TMTC1: variants seen among roughly 807,000 people sequenced by gnomAD.
The protein encoded by TMTC1 is protein O-mannosyl-transferase TMTC1.
TMTC1 carries 73 observed loss-of-function variants against 104.8 expected under a neutral mutation model. The observed-to-expected ratio is 0.70, with a 90% CI of 0.58 to 0.85. The LOEUF (loss-of-function observed/expected upper bound fraction) is 0.85, where lower values mean the gene tolerates loss of function less well. Among genes scored for constraint, TMTC1 ranks in the 40% least tolerant of loss-of-function variants. The pLI, the probability that TMTC1 is intolerant of heterozygous loss-of-function variation, is 0.00. For missense variants in TMTC1, 1,035 were observed against 1,096.1 expected, an observed-to-expected ratio of 0.94 and a Z score of 0.79; for synonymous variants, 434 against 428.7, an observed-to-expected ratio of 1.01 and a Z score of -0.15.
chr12:29,751,989 A>C, intron 4 of TMTC1, 117 bp from the exon 5 acceptor site: 79 of 908,390 alleles, frequency 8.7e-5, no homozygotes, highest in Non-Finnish European at 1.1e-4. Flanking sequence ...AACCATTCTC[A>C]AGTCTTTAGC....
intron 5 of TMTC1, among the ~76,000 whole-genome samples, chr12:29,697,709 G>A (rs1941465619): frequency 6.6e-6 from 1 of 152,132 alleles, no homozygotes; most frequent in Admixed American, 6.5e-5. Flanking sequence ...AAGGCAGGAA[G>A]AGCTGATTTT....
At chr12:29,702,745 C>A (rs1322107416) in intron 5 of TMTC1, among the ~76,000 whole-genome samples, 1 of 152,158 alleles carries the variant, frequency 6.6e-6, no homozygotes, top group East Asian at 1.9e-4. Flanking sequence ...ACACTCATTT[C>A]AGAGTTGTTT....
chr12:29,642,162 A>G (rs1256280247), intron 5 of TMTC1, among the ~76,000 whole-genome samples: 3 of 152,250 alleles, frequency 2.0e-5, no homozygotes, highest in Non-Finnish European at 4.4e-5. Context: ...CTTGGAAAAC[A>G]TATTTGGGGG....
intron 5 of TMTC1, among the ~76,000 whole-genome samples, chr12:29,635,331 T>C (rs1212562340): frequency 6.6e-6 from 1 of 152,192 alleles, no homozygotes; most frequent in Non-Finnish European, 1.5e-5. Context: ...CCATCTACCT[T>C]TCAGCCCACT....
chr12:29,548,919 ATAT>A (rs1945020270), intron 10 of TMTC1, among the ~76,000 whole-genome samples: 1 of 144,028 alleles, frequency 6.9e-6, no homozygotes, highest in African/African-American at 2.5e-5. Flanking sequence ...ATTTATTTAC[ATAT>A]TATATAATAT....
intron 17 of TMTC1, among the ~76,000 whole-genome samples, chr12:29,507,850 T>TC (rs1202482046): frequency 6.6e-6 from 1 of 152,168 alleles, no homozygotes; most frequent in Non-Finnish European, 1.5e-5. Flanking sequence ...TTGTTGGAGT[T>TC]CCCCCATTAG....
rs549959751 is a variant in TMTC1, at chr12:29,502,424, T to G, written c.*4422A>C. On this transcript the variant is annotated 3_prime_UTR_variant, in exon 18 of 18. Coordinates refer to ENST00000539277, the MANE Select transcript of TMTC1 (RefSeq NM_001193451.2). ...TGTGTGCCCAAAATAAAGATAGAGA[T>G]GTAGGCATAAACTCTATACCATGGA... 35 of 151,304 alleles carry G rather than the reference T, an allele frequency of 2.3e-4. No homozygotes were observed. Among genetic ancestry groups the G allele is most frequent in the Non-Finnish European group, 4.6e-4 (31 of 67,924 alleles). 9.4% of individuals were successfully genotyped at this position (151,304 alleles called of 1,614,324 possible).
In TMTC1 at chr12:29,572,030, T is replaced by A. The variant is rs1026580356; in HGVS notation, c.1532+75A>T. The A allele has an allele frequency of 2.6e-6, 3 of 1,174,902 alleles. No homozygotes were observed. The East Asian group carries it at 7.1e-5, about 28-fold the overall frequency. 72.8% of individuals were successfully genotyped at this position (1,174,902 alleles called of 1,614,324 possible). On this transcript the variant is annotated intron_variant, in intron 9 of 17. Transcript: ENST00000539277. ...GAAACAAACAAACTCCCTCTCCATATACTGGGAGGGCCAAGTGAAATAAAC... is the reference window on the plus strand; with the variant it reads ...GAAACAAACAAACTCCCTCTCCATAAACTGGGAGGGCCAAGTGAAATAAAC...
At chr12:29,715,621 T>A (rs1178240974) in intron 5 of TMTC1, among the ~76,000 whole-genome samples, 2 of 152,180 alleles carry the variant, frequency 1.3e-5, no homozygotes, top group Non-Finnish European at 2.9e-5. Flanking sequence ...TATATTAGCT[T>A]GGCATTTGTA....
At chr12:29,747,899 T>C (rs1447565675) in intron 5 of TMTC1, among the ~76,000 whole-genome samples, 3 of 152,162 alleles carry the variant, frequency 2.0e-5, no homozygotes, top group East Asian at 1.9e-4. Context: ...AAGTAAGTGA[T>C]AGAGCCATGA....
At chr12:29,784,664 T>A (rs1267251607), upstream of TMTC1, 1 of 152,276 alleles carries the variant, frequency 6.6e-6, no homozygotes, top group Non-Finnish European at 1.5e-5. Context: ...AGTTTTGGTT[T>A]GGGCCTGGGA....
intron 5 of TMTC1, among the ~76,000 whole-genome samples, chr12:29,673,022 A>T (rs1274960063): frequency 6.6e-6 from 1 of 152,256 alleles, no homozygotes; most frequent in African/African-American, 2.4e-5. Flanking sequence ...AAGAGCTAGA[A>T]AGTGGGGAAT....
chr12:29,557,338 A>G (rs1945271583), intron 9 of TMTC1, among the ~76,000 whole-genome samples: 1 of 152,212 alleles, frequency 6.6e-6, no homozygotes. Context: ...TTCTAGCCTG[A>G]GTTTGTGGCC....
At chr12:29,761,311 T>C (rs768366697) in intron 2 of TMTC1, among the ~76,000 whole-genome samples, 27 of 151,744 alleles carry the variant, frequency 1.8e-4, no homozygotes, top group Non-Finnish European at 2.7e-4. Flanking sequence ...GAGTATGAAT[T>C]GTGCAACCTA....
In TMTC1 at chr12:29,520,686, G is replaced by A. The variant is rs1005420272; in HGVS notation, c.1820C>T (p.Thr607Ile). The change falls in exon 12 of 18, where the codon ACT becomes ATT. Residue 607 changes from threonine to isoleucine, a missense_variant. Transcript: ENST00000539277. ...RFKEAEEIYQ[T>I]GIKNCPDSSD... is the part of the protein sequence containing the mutation. ...GCTGTCTGGACAGTTCTTTATTCCAGTTTGGTATATTTCTTCAGCTTCTTT... is the reference window on the plus strand; with the variant it reads ...GCTGTCTGGACAGTTCTTTATTCCAATTTGGTATATTTCTTCAGCTTCTTT... 5 of 1,613,284 alleles carry A rather than the reference G, an allele frequency of 3.1e-6. No individual in the cohort carries two copies. In the South Asian group the frequency reaches 3.3e-5, roughly 11 times the overall value.
intron 2 of TMTC1, among the ~76,000 whole-genome samples, chr12:29,759,716 G>A (rs1279765016): frequency 6.6e-6 from 1 of 152,164 alleles, no homozygotes; most frequent in African/African-American, 2.4e-5. Flanking sequence ...TGACACCAGG[G>A]CTGAGGCTGG....
chr12:29,749,374 T>C (rs1255859197), intron 5 of TMTC1, among the ~76,000 whole-genome samples: 2 of 152,220 alleles, frequency 1.3e-5, no homozygotes, highest in African/African-American at 4.8e-5. Context: ...ACTCATCAAC[T>C]GATCCATGTC....
intron 5 of TMTC1, among the ~76,000 whole-genome samples, chr12:29,716,104 G>A (rs1255927516): frequency 3.3e-5 from 5 of 151,482 alleles, no homozygotes; most frequent in Non-Finnish European, 7.4e-5. Flanking sequence ...CTGCAGCCTC[G>A]AAATCCTAGG....
upstream of TMTC1, chr12:29,784,715 C>T (rs934677475): frequency 6.6e-6 from 1 of 152,140 alleles, no homozygotes; most frequent in Non-Finnish European, 1.5e-5. Context: ...TTATTGTTTG[C>T]TCAAGATAAT....
Sources: gnomAD v4.1 joint callset for allele counts (sites outside exome capture counted in the v4.1 genomes callset) on GRCh38, gnomAD v4.1.1 for gene constraint, MANE v1.5 for transcripts, NCBI Gene and HGNC (gene_info 2026-07-23, HGNC 2026-07-21) for gene names.